The following PPM1L variants were observed in gnomAD, a reference collection of about 807,000 sequenced individuals.
PPM1L encodes the protein protein phosphatase, Mg2+/Mn2+ dependent 1L, also known as protein phosphatase 1L.
In PPM1L, 13 loss-of-function variants were observed where a neutral mutation model predicts 31.4. The ratio of observed to expected loss-of-function variants is 0.41; its 90% CI spans 0.27 to 0.66. The LOEUF (loss-of-function observed/expected upper bound fraction) is 0.66. Ranked by LOEUF, PPM1L falls within the 30% of genes least tolerant of loss-of-function variation. The pLI is 0.29. For missense variants in PPM1L, 326 were observed against 453.7 expected (o/e 0.72, Z 2.56); for synonymous variants, 184 against 175.4 (o/e 1.05, Z -0.39).
At chr3:160,825,172 A>G (rs1273061497) in intron 1 of PPM1L, among the ~76,000 whole-genome samples, 1 of 126,718 alleles carries the variant, frequency 7.9e-6, no homozygotes, top group Non-Finnish European at 1.6e-5. Context: ...AAATAGATAG[A>G]TGGATAAACA....
Position 161,075,751 on chromosome 3 carries a change from G to A in PPM1L, c.*6594G>A, listed in dbSNP as rs1266241381. 3 of 152,174 alleles carry A rather than the reference G, an allele frequency of 2.0e-5. No individual in the cohort carries two copies. The highest frequency in any genetic ancestry group is 6.5e-5 in the Admixed American group (1 of 15,274). 9.4% of individuals were successfully genotyped at this position (152,174 alleles called of 1,614,324 possible). A position where few individuals can be genotyped will look rare whatever the true frequency, so the allele number is the denominator to read the frequency against. On this transcript the variant is annotated 3_prime_UTR_variant, in exon 4 of 4. Transcript: ENST00000498165. ...TATTACATCATGAATTATGCTTTCT[G>A]TACTTACGCTCTTAGTGAAGGAGAT...
chr3:161,011,191 G>T (rs780283250), intron 2 of PPM1L, among the ~76,000 whole-genome samples: 56 of 152,130 alleles, frequency 3.7e-4, no homozygotes, highest in Non-Finnish European at 6.9e-4. Flanking sequence ...ATTAATTTTT[G>T]TATAAGGTGT....
At chr3:160,776,036 A>G (rs1275975932) in intron 1 of PPM1L, among the ~76,000 whole-genome samples, 4 of 152,210 alleles carry the variant, frequency 2.6e-5, no homozygotes, top group Non-Finnish European at 5.9e-5. Context: ...GGAATACCTT[A>G]GAAAGGAATA....
At chr3:160,813,013 T>G (rs1472516099) in intron 1 of PPM1L, among the ~76,000 whole-genome samples, 1 of 152,232 alleles carries the variant, frequency 6.6e-6, no homozygotes, top group Non-Finnish European at 1.5e-5. Flanking sequence ...ATATTCCTTT[T>G]GTCCTCTTTG....
intron 1 of PPM1L, among the ~76,000 whole-genome samples, chr3:160,761,207 A>G (rs180861396): frequency 6.6e-6 from 1 of 152,312 alleles, no homozygotes; most frequent in Admixed American, 6.5e-5. Flanking sequence ...TGAATTTCAG[A>G]TTAGTCTAGA....
At chr3:160,871,657 A>G (rs1226571939) in intron 1 of PPM1L, among the ~76,000 whole-genome samples, 1 of 152,118 alleles carries the variant, frequency 6.6e-6, no homozygotes, top group Non-Finnish European at 1.5e-5. Flanking sequence ...AGTATGTTTT[A>G]TGGTTATTTC....
At chr3:161,010,859 T>C (rs956605956) in intron 2 of PPM1L, among the ~76,000 whole-genome samples, 1 of 152,254 alleles carries the variant, frequency 6.6e-6, no homozygotes, top group African/African-American at 2.4e-5. Flanking sequence ...TTGCCCACTT[T>C]GTAATGGGGT....
chr3:160,851,950 T>C (rs987069763), intron 1 of PPM1L, among the ~76,000 whole-genome samples: 2 of 152,214 alleles, frequency 1.3e-5, no homozygotes, highest in Non-Finnish European at 2.9e-5. Context: ...GTCGATTTTT[T>C]CCCCTCAAAG....
At chr3:160,843,505 TGTGCACA>T (rs1241232559) in intron 1 of PPM1L, among the ~76,000 whole-genome samples, 1 of 143,022 alleles carries the variant, frequency 7.0e-6, no homozygotes, top group Non-Finnish European at 1.5e-5. Flanking sequence ...CTAGGGTACA[TGTGCACA>T]ACGTGCAGGT....
At chr3:160,885,618 C>A (rs900918816) in intron 1 of PPM1L, among the ~76,000 whole-genome samples, 1 of 152,192 alleles carries the variant, frequency 6.6e-6, no homozygotes, top group African/African-American at 2.4e-5. Context: ...GAGAGCCACA[C>A]GGGGCAGAGG....
chr3:161,034,693 G>C (rs566452551), intron 2 of PPM1L, among the ~76,000 whole-genome samples: 34 of 151,872 alleles, frequency 2.2e-4, no homozygotes, highest in Admixed American at 7.2e-4. Context: ...GGCCTGTCGG[G>C]GGGGTGGAGG....
At chr3:160,874,514 A>G (rs1380701417) in intron 1 of PPM1L, among the ~76,000 whole-genome samples, 6 of 152,188 alleles carry the variant, frequency 3.9e-5, no homozygotes, top group Admixed American at 3.3e-4. Context: ...TGACTGATAC[A>G]CTGCGTGAAA....
At chr3:160,912,968 C>T (rs1271173212) in intron 1 of PPM1L, among the ~76,000 whole-genome samples, 3 of 152,046 alleles carry the variant, frequency 2.0e-5, no homozygotes, top group African/African-American at 7.2e-5. Flanking sequence ...ATTTGATAAC[C>T]TCTTTGAGTT....
chr3:161,019,797 C>G (rs925036944), intron 2 of PPM1L, among the ~76,000 whole-genome samples: 2 of 152,030 alleles, frequency 1.3e-5, no homozygotes, highest in East Asian at 3.9e-4. Context: ...AATTAGTTGG[C>G]CTTTTTCTCT....
intron 2 of PPM1L, among the ~76,000 whole-genome samples, chr3:160,998,456 T>G (rs550372628): frequency 7.9e-5 from 12 of 152,228 alleles, no homozygotes; most frequent in Non-Finnish European, 1.5e-4. Flanking sequence ...ATCCATGTCA[T>G]TCTTGTCCCT....
At chr3:160,906,554 A>T (rs1713764510) in intron 1 of PPM1L, among the ~76,000 whole-genome samples, 1 of 152,102 alleles carries the variant, frequency 6.6e-6, no homozygotes, top group African/African-American at 2.4e-5. Flanking sequence ...GTGAGCCAAG[A>T]TCATGCCACT....
At chr3:160,964,316 ATTTTG>A in intron 2 of PPM1L, among the ~76,000 whole-genome samples, 1 of 66,820 alleles carries the variant, frequency 1.5e-5, no homozygotes, top group Non-Finnish European at 6.3e-5. Context: ...ATCAACACAT[ATTTTG>A]TATGTTATGT....
At chr3:160,847,226 C>G (rs1161302985) in intron 1 of PPM1L, among the ~76,000 whole-genome samples, 6 of 152,104 alleles carry the variant, frequency 3.9e-5, no homozygotes, top group African/African-American at 1.2e-4. Context: ...GAGACTTATT[C>G]AAGGTCACAT....
chr3:160,993,419 T>C (rs933382493), intron 2 of PPM1L, among the ~76,000 whole-genome samples: 1 of 152,112 alleles, frequency 6.6e-6, no homozygotes, highest in African/African-American at 2.4e-5. Flanking sequence ...TAAGAAAACA[T>C]GGGAGCTGAA....
Sources: gnomAD v4.1 joint callset for allele counts (sites outside exome capture counted in the v4.1 genomes callset) on GRCh38, gnomAD v4.1.1 for gene constraint, MANE v1.5 for transcripts, NCBI Gene and HGNC (gene_info 2026-07-23, HGNC 2026-07-21) for gene names.